The following SLC17A1 variants were observed in gnomAD, a reference collection of about 807,000 sequenced individuals.
SLC17A1 encodes sodium-dependent phosphate transport protein 1.
A neutral mutation model predicts 53.5 loss-of-function variants in SLC17A1; 51 were observed. The ratio of observed to expected loss-of-function variants is 0.95; its 90% CI spans 0.76 to 1.20. The LOEUF (loss-of-function observed/expected upper bound fraction) is 1.20, where lower values mean the gene tolerates loss of function less well. Ranked by LOEUF, SLC17A1 falls within the 50% of genes most tolerant of loss-of-function variation. SLC17A1 has a pLI of 0.00. For synonymous variants in SLC17A1, 179 were observed against 198.8 expected, an observed-to-expected ratio of 0.90 and a Z score of 0.84; for missense variants, 538 against 568.2, an observed-to-expected ratio of 0.95 and a Z score of 0.54.
chr6:25,774,225 T>A, the SLC17A1 span, among the ~76,000 whole-genome samples: 1 of 152,222 alleles, frequency 6.6e-6, no homozygotes, highest in African/African-American at 2.4e-5. Context: ...AAAGTGTGTA[T>A]ATGTGTACAG....
chr6:25,750,540 G>A, the SLC17A1 span, among the ~76,000 whole-genome samples: 1 of 151,940 alleles, frequency 6.6e-6, no homozygotes, highest in South Asian at 2.1e-4. Flanking sequence ...TCTTGTGCAA[G>A]TATCAAATCA....
the SLC17A1 span, among the ~76,000 whole-genome samples, chr6:25,739,128 A>T: frequency 1.3e-5 from 2 of 152,208 alleles, no homozygotes; most frequent in African/African-American, 4.8e-5. Flanking sequence ...ACAAACAAAC[A>T]AACAAAAATA....
the SLC17A1 span, among the ~76,000 whole-genome samples, chr6:25,769,780 G>A: frequency 1.8e-4 from 28 of 151,482 alleles, no homozygotes; most frequent in South Asian, 3.5e-3. Context: ...TTCCTTCCAC[G>A]TATTTTTTTT....
At chr6:25,732,238 C>T in the SLC17A1 span, 2 of 325,322 alleles carry the variant, frequency 6.1e-6, no homozygotes, top group African/African-American at 4.3e-5. Flanking sequence ...ATAGGCATGG[C>T]CCTCAACCTA....
At chr6:25,772,531 T>C in the SLC17A1 span, among the ~76,000 whole-genome samples, 2 of 152,322 alleles carry the variant, frequency 1.3e-5, no homozygotes. Context: ...AGATGGGCCA[T>C]ATTTCCACTC....
intron 2 of SLC17A1, among the ~76,000 whole-genome samples, chr6:25,829,889 A>G (rs1764886234): frequency 6.6e-6 from 1 of 152,198 alleles, no homozygotes; most frequent in Non-Finnish European, 1.5e-5. Flanking sequence ...ATATATATAA[A>G]CTTTGAATGC....
At chr6:25,827,758 T>C (rs1375326313) in intron 2 of SLC17A1, among the ~76,000 whole-genome samples, 1 of 152,160 alleles carries the variant, frequency 6.6e-6, no homozygotes, top group African/African-American at 2.4e-5. Flanking sequence ...AGCTTAATGT[T>C]TGCTTAAATA....
intron 3 of SLC17A1, among the ~76,000 whole-genome samples, chr6:25,821,246 C>T (rs1345149623): frequency 1.3e-5 from 2 of 152,020 alleles, no homozygotes; most frequent in African/African-American, 4.8e-5. Flanking sequence ...CTTCTTTTTT[C>T]TCTCCTTTTC....
chr6:25,811,777 A>G lies in SLC17A1; in HGVS notation c.898-7T>C, dbSNP rs769832821. On this transcript the variant is annotated splice_region_variant and splice_polypyrimidine_tract_variant and intron_variant, in intron 8 of 12. Transcript: ENST00000244527. ...GGGAAGACAAGAACCCATTCTGAAG[A>G]GGAAACATTATTCTTGGAGTGAGTT... 6.2e-6 allele frequency: 10 copies of G among 1,613,556 alleles called. No individual in the cohort carries two copies. The East Asian group carries it at 2.0e-4, about 32-fold the overall frequency.
intron 2 of SLC17A1, among the ~76,000 whole-genome samples, chr6:25,828,926 GA>G (rs1764847085): frequency 6.6e-6 from 1 of 151,946 alleles, no homozygotes; most frequent in Non-Finnish European, 1.5e-5. Flanking sequence ...ACTGTTAAAT[GA>G]AAAAAAGCAT....
At chr6:25,803,174 T>A (rs903909601) in intron 10 of SLC17A1, among the ~76,000 whole-genome samples, 34 of 151,918 alleles carry the variant, frequency 2.2e-4, no homozygotes, top group Non-Finnish European at 1.5e-5. Flanking sequence ...TCTGACCTCA[T>A]GATCCGCCTG....
the SLC17A1 span, chr6:25,727,034 C>T: frequency 2.5e-6 from 4 of 1,614,134 alleles, no homozygotes; most frequent in African/African-American, 2.7e-5. Context: ...ATTCTATTTA[C>T]ATCTACAAAG....
At chr6:25,829,845 A>G (rs918992650) in intron 2 of SLC17A1, among the ~76,000 whole-genome samples, 9 of 152,180 alleles carry the variant, frequency 5.9e-5, no homozygotes, top group Non-Finnish European at 1.2e-4. Context: ...TAAATGCATA[A>G]GGGCAGAAAT....
At chr6:25,779,095 T>C (rs1288999056), downstream of SLC17A1, 3 of 1,613,926 alleles carry the variant, frequency 1.9e-6, no homozygotes, top group Non-Finnish European at 2.5e-6. Flanking sequence ...TGCTTTCAGC[T>C]GCTGTTAACA....
rs1305935102 is a variant in SLC17A1, at chr6:25,819,910, AG to A, written c.212del (p.Pro71LeufsTer14). 2 of 1,602,382 alleles carry A rather than the reference AG, an allele frequency of 1.2e-6. No individual in the cohort carries two copies. The highest frequency in any genetic ancestry group is 2.7e-5 in the African/African-American group (2 of 74,494). ...GGATATCTGGGCTCCAATTATACAT[AG>A]GGTTCTAAAAGACAAGGGGGGACAT... ...TKKLLDNIKN[P>X]MYNWSPDIQG... On this transcript the variant is annotated frameshift_variant, in exon 4 of 13. Coordinates refer to ENST00000244527, the MANE Select transcript of SLC17A1 (RefSeq NM_005074.5). LOFTEE classifies it high-confidence loss of function.
chr6:25,814,603 G>C (rs1257055775), intron 6 of SLC17A1, among the ~76,000 whole-genome samples: 1 of 152,100 alleles, frequency 6.6e-6, no homozygotes, highest in Non-Finnish European at 1.5e-5. Flanking sequence ...CAGTAGACTA[G>C]ACATGACCAA....
intron 2 of SLC17A1, among the ~76,000 whole-genome samples, chr6:25,826,866 A>C (rs975104589): frequency 6.6e-6 from 1 of 152,118 alleles, no homozygotes; most frequent in African/African-American, 2.4e-5. Context: ...AATCAAGCCA[A>C]TCTTTCAAGT....
chr6:25,727,363 G>A, the SLC17A1 span: 1 of 1,383,212 alleles, frequency 7.2e-7, no homozygotes, highest in East Asian at 2.4e-5. Context: ...TGAAACAGCT[G>A]TGGGCTTCGT....
chr6:25,818,261 T>G (rs1446967157), intron 6 of SLC17A1, among the ~76,000 whole-genome samples: 4 of 152,156 alleles, frequency 2.6e-5, no homozygotes, highest in Non-Finnish European at 5.9e-5. Context: ...TTATGAAAAA[T>G]CATGAGTTCT....
Sources: allele counts gnomAD v4.1 joint callset (sites outside exome capture counted in the v4.1 genomes callset), GRCh38; gene constraint gnomAD v4.1.1; transcripts MANE v1.5; gene names NCBI Gene and HGNC (gene_info 2026-07-23, HGNC 2026-07-21).